ACAT1: variants seen among roughly 807,000 people sequenced by gnomAD.
The protein encoded by ACAT1 is acetyl-CoA acetyltransferase 1.
In ACAT1, 28 loss-of-function variants were observed where a neutral mutation model predicts 47.3. The ratio of observed to expected loss-of-function variants is 0.59; its 90% CI spans 0.44 to 0.81. The LOEUF is 0.81. Ranked by LOEUF, ACAT1 falls within the 30% of genes least tolerant of loss-of-function variation. The pLI is 0.00. For synonymous variants in ACAT1, 181 were observed against 173.6 expected (o/e 1.04, Z -0.34); for missense variants, 469 against 524.3 (o/e 0.89, Z 1.03).
intron 1 of ACAT1, among the ~76,000 whole-genome samples, chr11:108,129,980 G>A (rs1032046353): frequency 2.0e-5 from 3 of 152,116 alleles, no homozygotes; most frequent in African/African-American, 7.2e-5. Flanking sequence ...GACCCTGCCA[G>A]AACCCAAGCT....
rs1181978542 is a variant in ACAT1 at position 108,147,515 on chromosome 11, C to CTT, written c.*128_*129dup. On this transcript the variant is annotated 3_prime_UTR_variant, in exon 12 of 12. Transcript: ENST00000265838. ...CATTTTTTATTATTTTCTATGTTAACTTTTAAAAATCAAAATGATGAAATC... is the reference window on the plus strand; with the variant it reads ...CATTTTTTATTATTTTCTATGTTAACTTTTTTAAAAATCAAAATGATGAAATC... The CTT allele has an allele frequency of 7.9e-6, 10 of 1,271,046 alleles. No homozygotes were observed. The East Asian group carries it at 2.5e-4, about 32-fold the overall frequency. 78.7% of individuals were successfully genotyped at this position (1,271,046 alleles called of 1,614,324 possible). A position where few individuals can be genotyped will look rare whatever the true frequency, so the allele number is the denominator to read the frequency against.
At chr11:108,133,345 G>A (rs547226872) in intron 2 of ACAT1, among the ~76,000 whole-genome samples, 1 of 152,236 alleles carries the variant, frequency 6.6e-6, no homozygotes, top group East Asian at 1.9e-4. Flanking sequence ...AAGTGGCTGA[G>A]TGTGGTGGCT....
In ACAT1 at chr11:108,142,517, A is replaced by T. The variant is rs201180840; in HGVS notation, c.907A>T (p.Arg303Trp). The change falls in exon 9 of 12, where the codon AGG (arginine) becomes TGG (tryptophan). Residue 303 changes from arginine (R) to tryptophan (W), a missense_variant. Arg to Trp is a moderately radical substitution (Grantham distance 101). Transcript: ENST00000265838. ...TCTCATGACGGCAGATGCAGCGAAGAGGCTCAATGTTACACCACTGGCAAG... is the reference window on the plus strand; with the variant it reads ...TCTCATGACGGCAGATGCAGCGAAGTGGCTCAATGTTACACCACTGGCAAG... Reference protein sequence around the residue: ...LVLMTADAAKRLNVTPLARIV... With the variant: ...LVLMTADAAKWLNVTPLARIV... 4 of 1,614,200 alleles carry T rather than the reference A, an allele frequency of 2.5e-6. No homozygotes were observed. The African/African-American group carries it at 5.3e-5, about 22-fold the overall frequency.
At position 108,144,154 on chromosome 11, in the gene ACAT1, T is replaced by G. The variant is rs891303843; in HGVS notation, c.1005+107T>G. 1.2e-5 allele frequency: 15 copies of G among 1,284,110 alleles called. No homozygotes were observed. In the East Asian group the frequency reaches 1.4e-4, roughly 12 times the overall value. 79.5% of individuals were successfully genotyped at this position (1,284,110 alleles called of 1,614,324 possible). A position where few individuals can be genotyped will look rare whatever the true frequency, so the allele number is the denominator to read the frequency against. ...AATGTTATCTGCCAAAGCAGAGAGA[T>G]AGCTTGGTTTCAAATCTTCCCATGT... On this transcript the variant is annotated intron_variant, in intron 10 of 11. Coordinates refer to ENST00000265838, the MANE Select transcript of ACAT1 (RefSeq NM_000019.4).
At chr11:108,132,114 A>G (rs952004738) in intron 2 of ACAT1, among the ~76,000 whole-genome samples, 160 bp downstream of exon 2, 2 of 152,214 alleles carry the variant, frequency 1.3e-5, no homozygotes, top group African/African-American at 2.4e-5. Flanking sequence ...GTAGATGACT[A>G]TAATAGAAAA....
Position 108,146,283 on chromosome 11 carries a change from A to C in ACAT1, c.1087A>C (p.Asn363His). ...NEAFSLVVLANIKMLEIDPQK... is the reference protein window; with the variant it reads ...NEAFSLVVLAHIKMLEIDPQK... ...AGCCTTTAGTCTGGTTGTACTAGCA[A>C]ACATTAAAATGTTGGAGATTGATCC... The change falls in exon 11 of 12, where the codon AAC (asparagine) becomes CAC (histidine). Residue 363 changes from asparagine to histidine, a missense_variant. Asn to His is a moderately conservative substitution (Grantham distance 68). Coordinates refer to ENST00000265838, the MANE Select transcript of ACAT1 (RefSeq NM_000019.4). 1.2e-6 allele frequency: 2 copies of C among 1,613,974 alleles called. No individual in the cohort carries two copies. Among genetic ancestry groups the C allele is most frequent in the Non-Finnish European group, 1.7e-6 (2 of 1,179,870 alleles).
intron 10 of ACAT1, chr11:108,146,001 G>A: frequency 2.1e-6 from 1 of 480,886 alleles, no homozygotes; most frequent in South Asian, 2.1e-5. Context: ...GAGCCAAGAT[G>A]GCGCCATTGC....
chr11:108,140,148 A>C lies in ACAT1; in HGVS notation c.663A>C (p.Arg221Ser). 2 of 1,614,166 alleles carry C rather than the reference A, an allele frequency of 1.2e-6. No individual in the cohort carries two copies. Among genetic ancestry groups the C allele is most frequent in the Non-Finnish European group, 8.5e-7 (1 of 1,180,012 alleles). ...CTTATGCTATTAATTCTTATACCAGAAGTAAAGCAGCATGGGAAGCTGGGA... is the reference window on the plus strand; with the variant it reads ...CTTATGCTATTAATTCTTATACCAGCAGTAAAGCAGCATGGGAAGCTGGGA... The part of the protein sequence containing the change: ...QDAYAINSYT[R>S]SKAAWEAGKF... Residue 221 changes from arginine to serine, a missense_variant, in exon 7 of 12, where the codon AGA becomes AGC. Arg to Ser is a moderately radical substitution (Grantham distance 110). Transcript: ENST00000265838.
At chr11:108,142,395 T>C (rs767064616) in intron 8 of ACAT1, 42 bp from the exon 9 acceptor site, 42 of 1,440,144 alleles carry the variant, frequency 2.9e-5, no homozygotes, top group Non-Finnish European at 9.7e-6. Context: ...ATACATTTAT[T>C]GTGAAGGAAT....
intron 11 of ACAT1, among the ~76,000 whole-genome samples, chr11:108,146,839 T>C (rs924387346): frequency 1.3e-5 from 2 of 152,212 alleles, no homozygotes; most frequent in Admixed American, 6.5e-5. Context: ...CCTAGCACTT[T>C]GGGAGGCTGA....
intron 3 of ACAT1, 88 bp from the exon 4 acceptor site, chr11:108,134,133 A>G (rs2077415116): frequency 1.5e-6 from 2 of 1,300,416 alleles, no homozygotes; most frequent in African/African-American, 1.5e-5. Flanking sequence ...AACCATTCCT[A>G]TTGTGTAATG....
chr11:108,144,893 A>G (rs114739976), intron 10 of ACAT1, among the ~76,000 whole-genome samples: 1,561 of 152,308 alleles, frequency 0.01, 35 homozygotes, highest in African/African-American at 0.036. Flanking sequence ...TGAAGGTAGA[A>G]TAACTTCTGA....
rs753723144 is a variant in ACAT1 at position 108,142,420 on chromosome 11, C to G, written c.827-17C>G. The G allele has an allele frequency of 1.1e-5, 17 of 1,599,232 alleles. No homozygotes were observed. The Admixed American group carries it at 2.8e-4, about 27-fold the overall frequency. On this transcript the variant is annotated splice_polypyrimidine_tract_variant and intron_variant, in intron 8 of 11. Transcript: ENST00000265838. Reference sequence around the variant, plus strand: ...TGTGAAGGAATGTTTTGACTTCAACCTCATTTTTGCTTTCAGGCACAGTAA... The same window carrying G: ...TGTGAAGGAATGTTTTGACTTCAACGTCATTTTTGCTTTCAGGCACAGTAA...
upstream of ACAT1, among the ~76,000 whole-genome samples, chr11:108,120,744 GC>G (rs1344495472): frequency 6.6e-6 from 1 of 152,064 alleles, no homozygotes; most frequent in Non-Finnish European, 1.5e-5. Context: ...TCTGGACTGA[GC>G]CTGGAATTTG....
chr11:108,142,757 A>G (rs1406579780), intron 9 of ACAT1: 2 of 542,962 alleles, frequency 3.7e-6, no homozygotes, highest in Admixed American at 5.5e-5. Flanking sequence ...GGATGCCTTG[A>G]GCCCAGGAGT....
chr11:108,118,265 C>T (rs1034259424), upstream of ACAT1, among the ~76,000 whole-genome samples: 1 of 152,008 alleles, frequency 6.6e-6, no homozygotes, highest in African/African-American at 2.4e-5. Context: ...AATACTAGTA[C>T]TAATAATAAT....
At position 108,140,217 on chromosome 11, in the gene ACAT1, T is replaced by C. The variant is rs398123096; in HGVS notation, c.730+2T>C. 6.2e-7 allele frequency: 1 copy of C among 1,614,058 alleles called. No individual in the cohort carries two copies. The highest frequency in any genetic ancestry group is 1.3e-5 in the African/African-American group (1 of 75,042). ...TTCCTGTCACAGTTACAGTAAAAGG[T>C]AGAGATAATGTTCCAAAAAGGATGA... is the stretch of plus-strand genomic sequence containing the variant. On this transcript the variant is annotated splice_donor_variant, in intron 7 of 11. Transcript: ENST00000265838. LOFTEE classifies it high-confidence loss of function.
At chr11:108,138,706 C>A (rs896106662) in intron 5 of ACAT1, 192 bp from the exon 6 acceptor site, 7 of 671,700 alleles carry the variant, frequency 1.0e-5, no homozygotes, top group Admixed American at 4.8e-5. Flanking sequence ...CAACTTATTT[C>A]TCATTATATT....
chr11:108,130,840 C>T (rs931913858), intron 1 of ACAT1, among the ~76,000 whole-genome samples: 2 of 152,232 alleles, frequency 1.3e-5, no homozygotes, highest in African/African-American at 4.8e-5. Flanking sequence ...ACCTCCGCCT[C>T]CTGGGTTCAA....
Sources: gnomAD v4.1 joint callset for allele counts (sites outside exome capture counted in the v4.1 genomes callset) on GRCh38, gnomAD v4.1.1 for gene constraint, MANE v1.5 for transcripts, NCBI Gene and HGNC (gene_info 2026-07-23, HGNC 2026-07-21) for gene names.